Variants in DIAPH3 observed in about 807,000 individuals in gnomAD.
DIAPH3 encodes the protein diaphanous related formin 3.
DIAPH3 carries 117 observed loss-of-function variants against 144.3 expected under a neutral mutation model. The observed-to-expected ratio is 0.81, with a 90% CI of 0.70 to 0.95. The LOEUF is 0.95. DIAPH3 is among the 40% of genes least tolerant of loss of function. The pLI is 0.00. For synonymous variants in DIAPH3, 519 were observed against 488.9 expected (o/e 1.06, Z -0.81); for missense variants, 1,421 against 1,412.7 (o/e 1.01, Z -0.09).
intron 25 of DIAPH3, among the ~76,000 whole-genome samples, chr13:59,776,104 G>T (rs986040796): frequency 6.6e-6 from 1 of 152,086 alleles, no homozygotes; most frequent in African/African-American, 2.4e-5. Context: ...ATTTTCCTTC[G>T]AACTTTTATT....
intron 14 of DIAPH3, among the ~76,000 whole-genome samples, chr13:59,976,587 T>G (rs1666342082): frequency 6.6e-6 from 1 of 151,826 alleles, no homozygotes; most frequent in Admixed American, 6.6e-5. Context: ...TATGTTCCAT[T>G]ACAACACACA....
intron 4 of DIAPH3, among the ~76,000 whole-genome samples, chr13:60,088,812 G>C (rs1035348309): frequency 7.2e-5 from 11 of 152,124 alleles, no homozygotes; most frequent in African/African-American, 2.7e-4. Context: ...AGGAGAGACA[G>C]GGTTTCACCA....
intron 19 of DIAPH3, among the ~76,000 whole-genome samples, chr13:59,915,608 T>C (rs1453725773): frequency 6.6e-6 from 1 of 152,076 alleles, no homozygotes; most frequent in South Asian, 2.1e-4. Flanking sequence ...AACTTCGACA[T>C]GATGCTAGTA....
chr13:60,082,658 C>T (rs1321537515), intron 4 of DIAPH3, among the ~76,000 whole-genome samples: 1 of 152,022 alleles, frequency 6.6e-6, no homozygotes, highest in Non-Finnish European at 1.5e-5. Context: ...CAATAAAGGG[C>T]ATATACTATT....
At chr13:60,040,014 T>A (rs1369195143) in intron 5 of DIAPH3, among the ~76,000 whole-genome samples, 1 of 151,808 alleles carries the variant, frequency 6.6e-6, no homozygotes, top group Non-Finnish European at 1.5e-5. Context: ...GGCACGTGGA[T>A]CATTAGAGGT....
chr13:59,912,661 T>C (rs1444925424), intron 19 of DIAPH3, among the ~76,000 whole-genome samples: 1 of 152,174 alleles, frequency 6.6e-6, no homozygotes, highest in Non-Finnish European at 1.5e-5. Flanking sequence ...TGCATTGATA[T>C]TAAAATTAAG....
chr13:60,111,494 G>A (rs1566784612), intron 3 of DIAPH3, among the ~76,000 whole-genome samples: 2 of 152,170 alleles, frequency 1.3e-5, no homozygotes, highest in South Asian at 4.1e-4. Context: ...ATGAGTGGCA[G>A]GCCAGCCAGC....
intron 1 of DIAPH3, among the ~76,000 whole-genome samples, chr13:60,149,435 A>C (rs535806866): frequency 6.6e-6 from 1 of 152,284 alleles, no homozygotes; most frequent in Non-Finnish European, 1.5e-5. Context: ...GGTGCTTGAC[A>C]TACACACAGA....
intron 20 of DIAPH3, among the ~76,000 whole-genome samples, chr13:59,905,748 G>A (rs2046701213): frequency 6.6e-6 from 1 of 152,132 alleles, no homozygotes; most frequent in East Asian, 1.9e-4. Context: ...GGTCAGAGAA[G>A]GGGTTGTGAT....
chr13:59,803,657 G>A (rs2040052187), intron 25 of DIAPH3, among the ~76,000 whole-genome samples: 1 of 152,116 alleles, frequency 6.6e-6, no homozygotes, highest in Admixed American at 6.5e-5. Flanking sequence ...TCTTTTCTGG[G>A]GCTTGTTGGA....
At position 60,066,301 on chromosome 13, in the gene DIAPH3, T is replaced by A. The variant is rs573979585; in HGVS notation, c.496-23481A>T. Among the ~76,000 whole-genome samples, 3 of 152,308 alleles carry A rather than the reference T, an allele frequency of 2.0e-5. No homozygotes were observed. In the South Asian group the frequency reaches 6.2e-4, roughly 32 times the overall value. On this transcript the variant is annotated intron_variant, in intron 4 of 27. Coordinates refer to ENST00000400324, the MANE Select transcript of DIAPH3 (RefSeq NM_001042517.2). The stretch of plus-strand genomic sequence containing the variant: ...TCCTATATATTATAAATGTTATATC[T>A]AATTTCTGATGAAACAATTACATCA...
At position 59,797,353 on chromosome 13, in the gene DIAPH3, C is replaced by T. The variant is rs150131781; in HGVS notation, c.3163+13435G>A. ...TAGGATAGTATCATGACATAATATG[C>T]GATAAATAAATATTTGCTGAAAGAA... On this transcript the variant is annotated intron_variant, in intron 25 of 27. Coordinates refer to ENST00000400324, the MANE Select transcript of DIAPH3 (RefSeq NM_001042517.2). Among the ~76,000 whole-genome samples, 74 of 152,174 alleles carry T rather than the reference C, an allele frequency of 4.9e-4. 1 individual carries two copies. In the East Asian group the frequency reaches 8.7e-3, roughly 18 times the overall value.
chr13:59,692,940 A>G (rs184117492), intron 27 of DIAPH3, among the ~76,000 whole-genome samples: 40 of 152,358 alleles, frequency 2.6e-4, no homozygotes, highest in Non-Finnish European at 4.6e-4. Context: ...GGCAGGCATT[A>G]AACAAATAAT....
Position 60,008,532 on chromosome 13 carries a change from C to T in DIAPH3, c.1014+12G>A, listed in dbSNP as rs975389998. 4.4e-6 allele frequency: 7 copies of T among 1,587,880 alleles called. No homozygotes were observed. Among genetic ancestry groups the T allele is most frequent in the Non-Finnish European group, 6.0e-6 (7 of 1,157,662 alleles). ...CATTTAAAAACAGATTTTATATACACACAAAACTTACTTGCAGTTGAACTG... is the reference window on the plus strand; with the variant it reads ...CATTTAAAAACAGATTTTATATACATACAAAACTTACTTGCAGTTGAACTG... On this transcript the variant is annotated intron_variant, in intron 9 of 27. Coordinates refer to ENST00000400324, the MANE Select transcript of DIAPH3 (RefSeq NM_001042517.2).
intron 22 of DIAPH3, among the ~76,000 whole-genome samples, chr13:59,850,627 G>A (rs1056405918): frequency 6.6e-6 from 1 of 151,442 alleles, no homozygotes; most frequent in Middle Eastern, 3.2e-3. Flanking sequence ...TACATTTATT[G>A]ATTTGCGTAT....
intron 25 of DIAPH3, among the ~76,000 whole-genome samples, chr13:59,809,322 C>T (rs568688475): frequency 2.8e-4 from 43 of 152,092 alleles, no homozygotes; most frequent in Non-Finnish European, 5.7e-4. Context: ...GCCAACACGG[C>T]GAAACTCGGT....
At chr13:60,090,952 T>A (rs190203040) in intron 4 of DIAPH3, among the ~76,000 whole-genome samples, 1 of 152,196 alleles carries the variant, frequency 6.6e-6, no homozygotes, top group Non-Finnish European at 1.5e-5. Context: ...AGGATTAAAG[T>A]TGAAAATCAG....
chr13:60,003,547 A>G (rs1195789193), intron 9 of DIAPH3, among the ~76,000 whole-genome samples: 1 of 150,120 alleles, frequency 6.7e-6, no homozygotes, highest in East Asian at 1.9e-4. Flanking sequence ...CTATCTATCT[A>G]TATATAGATA....
chr13:60,086,970 C>T (rs1472946735), intron 4 of DIAPH3, among the ~76,000 whole-genome samples: 1 of 152,126 alleles, frequency 6.6e-6, no homozygotes, highest in Non-Finnish European at 1.5e-5. Flanking sequence ...TCCAGAGATG[C>T]TCCAGTCTCT....
Sources: allele counts gnomAD v4.1 joint callset (sites outside exome capture counted in the v4.1 genomes callset), GRCh38; gene constraint gnomAD v4.1.1; transcripts MANE v1.5; gene names NCBI Gene and HGNC (gene_info 2026-07-23, HGNC 2026-07-21).